NDST4: variants seen among roughly 807,000 people sequenced by gnomAD.
NDST4 encodes N-heparan sulfate sulfotransferase 4.
In NDST4, 63 loss-of-function variants were observed where a neutral mutation model predicts 100.8. The ratio of observed to expected loss-of-function variants is 0.62; its 90% CI spans 0.51 to 0.77. NDST4 has a LOEUF of 0.77. Ranked by LOEUF, NDST4 falls within the 30% of genes least tolerant of loss-of-function variation. The probability of loss-of-function intolerance (pLI) is 0.00; values close to 1 mark genes in which losing one functional copy is unlikely to be tolerated. For synonymous variants in NDST4, 377 were observed against 361.8 expected (o/e 1.04, Z -0.48); for missense variants, 943 against 1,018.4 (o/e 0.93, Z 1.01).
intron 12 of NDST4, among the ~76,000 whole-genome samples, 175 bp from the exon 13 acceptor site, chr4:114,830,067 T>C (rs1362036927): frequency 6.6e-6 from 1 of 152,228 alleles, no homozygotes; most frequent in Non-Finnish European, 1.5e-5. Flanking sequence ...AAAGAAGCTA[T>C]ATGTTATTAT....
chr4:115,104,553 G>C (rs1469931780), intron 1 of NDST4, among the ~76,000 whole-genome samples: 2 of 152,044 alleles, frequency 1.3e-5, no homozygotes, highest in Non-Finnish European at 2.9e-5. Context: ...ACTCCAGCGT[G>C]ACAGAAAATA....
At chr4:114,828,173 C>T (rs746846464) in intron 13 of NDST4, among the ~76,000 whole-genome samples, 4 of 151,862 alleles carry the variant, frequency 2.6e-5, no homozygotes, top group Non-Finnish European at 5.9e-5. Context: ...GTCATTACGG[C>T]ACATATTTAT....
rs528625424 is a variant in NDST4 at position 114,967,884 on chromosome 4, C to T, written c.1221+2546G>A. Among the ~76,000 whole-genome samples the T allele has an allele frequency of 2.9e-4, 44 of 152,206 alleles. No individual in the cohort carries two copies. The East Asian group carries it at 7.5e-3, about 26-fold the overall frequency. On this transcript the variant is annotated intron_variant, in intron 4 of 13. Transcript: ENST00000264363. The stretch of plus-strand genomic sequence containing the variant: ...GTTAATTAACACTATTGAATGCTTA[C>T]TGTGTGCCAGCCGCTGCTCTAAGCA...
intron 1 of NDST4, among the ~76,000 whole-genome samples, chr4:115,099,004 A>C (rs1223771345): frequency 1.3e-5 from 2 of 152,208 alleles, no homozygotes; most frequent in African/African-American, 4.8e-5. Flanking sequence ...CACCATGCCC[A>C]GATGTCAAGT....
At chr4:115,099,810 A>G (rs1729693648) in intron 1 of NDST4, among the ~76,000 whole-genome samples, 1 of 152,126 alleles carries the variant, frequency 6.6e-6, no homozygotes, top group African/African-American at 2.4e-5. Context: ...GATCCTTGGT[A>G]TTTACTCAAT....
intron 6 of NDST4, among the ~76,000 whole-genome samples, chr4:114,927,753 T>G (rs989540545): frequency 6.6e-6 from 1 of 152,120 alleles, no homozygotes; most frequent in Non-Finnish European, 1.5e-5. Flanking sequence ...AAGAGAGATG[T>G]CATACATTGT....
chr4:114,845,727 A>G (rs1420720088), intron 10 of NDST4, 96 bp downstream of exon 10: 4 of 1,112,640 alleles, frequency 3.6e-6, no homozygotes, highest in South Asian at 2.0e-5. Flanking sequence ...CTTACATTTG[A>G]CTTTTCATAT....
At chr4:114,833,776 C>G (rs144109014) in intron 11 of NDST4, 61 bp from the exon 12 acceptor site, 3 of 974,832 alleles carry the variant, frequency 3.1e-6, no homozygotes, top group Non-Finnish European at 4.8e-6. Flanking sequence ...GACTGTGATG[C>G]CTTCCTTTAC....
chr4:114,953,890 A>G (rs931083222), intron 4 of NDST4, among the ~76,000 whole-genome samples: 80 of 152,328 alleles, frequency 5.3e-4, no homozygotes, highest in African/African-American at 1.9e-3. Flanking sequence ...GAATACTTTT[A>G]AACTGCTATA....
At chr4:114,938,503 A>T (rs1007644930) in intron 4 of NDST4, among the ~76,000 whole-genome samples, 3 of 152,166 alleles carry the variant, frequency 2.0e-5, no homozygotes. Flanking sequence ...GCTTTAAAAG[A>T]CTCCTTGTAG....
intron 1 of NDST4, among the ~76,000 whole-genome samples, chr4:115,094,450 C>T (rs505967): frequency 0.77 from 117,242 of 151,830 alleles, 45,911 homozygotes; most frequent in African/African-American, 0.89. Flanking sequence ...TAAGAGAAAA[C>T]ACAAAAAAAA....
chr4:114,976,687 G>A (rs1327734517), intron 3 of NDST4, among the ~76,000 whole-genome samples: 1 of 151,746 alleles, frequency 6.6e-6, no homozygotes, highest in Non-Finnish European at 1.5e-5. Flanking sequence ...ATTGTTTTAG[G>A]GAAAAAATCC....
chr4:115,107,983 G>C (rs931129183), intron 1 of NDST4, among the ~76,000 whole-genome samples: 2 of 151,924 alleles, frequency 1.3e-5, no homozygotes, highest in Admixed American at 1.3e-4. Flanking sequence ...GTGTTATCAG[G>C]AACCATAATA....
chr4:115,007,484 A>G (rs1219809007), intron 2 of NDST4, among the ~76,000 whole-genome samples: 1 of 152,200 alleles, frequency 6.6e-6, no homozygotes, highest in African/African-American at 2.4e-5. Flanking sequence ...CTGATGAAAC[A>G]GAAGGTAATG....
intron 3 of NDST4, among the ~76,000 whole-genome samples, chr4:114,972,152 T>C (rs1045960059): frequency 6.6e-6 from 1 of 152,020 alleles, no homozygotes; most frequent in African/African-American, 2.4e-5. Flanking sequence ...CTGGATCCCT[T>C]TACCTTGTAC....
chr4:115,085,628 C>T lies in NDST4; in HGVS notation c.-246-8346G>A, dbSNP rs117602054. Among the ~76,000 whole-genome samples, 449 of 152,174 alleles carry T rather than the reference C, an allele frequency of 3.0e-3. 18 individuals are homozygous for T. In the East Asian group the frequency reaches 0.075, roughly 25 times the overall value. ...TCTGACTGTTTTATAAGGTGATTTT[C>T]CCCCTTTGCTCAGCACTCATTCTCT... On this transcript the variant is annotated intron_variant, in intron 1 of 13. Transcript: ENST00000264363.
intron 2 of NDST4, among the ~76,000 whole-genome samples, chr4:114,979,613 A>T (rs966457156): frequency 2.6e-5 from 4 of 152,046 alleles, no homozygotes; most frequent in Middle Eastern, 3.4e-3. Flanking sequence ...TATAGATAGG[A>T]TCTAGCATTT....
At chr4:114,908,602 G>A (rs1360445783) in intron 6 of NDST4, among the ~76,000 whole-genome samples, 6 of 152,082 alleles carry the variant, frequency 3.9e-5, no homozygotes, top group Non-Finnish European at 8.8e-5. Context: ...CAGGGCACTT[G>A]GGTGGTTTGA....
intron 7 of NDST4, among the ~76,000 whole-genome samples, chr4:114,855,889 G>T: frequency 6.6e-6 from 1 of 152,104 alleles, no homozygotes; most frequent in Middle Eastern, 3.4e-3. Flanking sequence ...AAGAATGATC[G>T]TTTTTGATAT....
Sources: gnomAD v4.1 joint callset for allele counts (sites outside exome capture counted in the v4.1 genomes callset) on GRCh38, gnomAD v4.1.1 for gene constraint, MANE v1.5 for transcripts, NCBI Gene and HGNC (gene_info 2026-07-23, HGNC 2026-07-21) for gene names.